Variants in CYP4F8 observed in about 807,000 individuals in gnomAD.
CYP4F8 encodes cytochrome P450 family 4 subfamily F member 8.
CYP4F8 carries 56 observed loss-of-function variants against 55.0 expected under a neutral mutation model. The ratio of observed to expected loss-of-function variants is 1.02; its 90% CI spans 0.82 to 1.27. The LOEUF (loss-of-function observed/expected upper bound fraction) is 1.27, where lower values mean the gene tolerates loss of function less well. Ranked by LOEUF, CYP4F8 falls within the 50% of genes most tolerant of loss-of-function variation. The probability of loss-of-function intolerance (pLI) is 0.00; values close to 1 mark genes in which losing one functional copy is unlikely to be tolerated. For missense variants in CYP4F8, 680 were observed against 682.4 expected (o/e 1.00, Z 0.04); for synonymous variants, 288 against 267.3 (o/e 1.08, Z -0.76).
At chr19:15,625,347 G>GTGTGTATATATATATAT (rs1972248846) in intron 9 of CYP4F8, among the ~76,000 whole-genome samples, 1 of 143,768 alleles carries the variant, frequency 7.0e-6, no homozygotes, top group African/African-American at 2.5e-5. Context: ...TATATATATA[G>GTGTGTATATATATATAT]TGTATATATA....
At chr19:15,617,685 C>A (rs920611043) in intron 2 of CYP4F8, among the ~76,000 whole-genome samples, 1 of 152,100 alleles carries the variant, frequency 6.6e-6, no homozygotes, top group East Asian at 1.9e-4. Flanking sequence ...GGTGCAATTC[C>A]GTCTGGGTCC....
intron 9 of CYP4F8, chr19:15,627,238 C>T (rs1972274302): frequency 1.3e-5 from 2 of 152,156 alleles, no homozygotes; most frequent in Admixed American, 6.5e-5. Context: ...CTTTGGGAGG[C>T]TGAGGCAGGC....
chr19:15,629,928 C>G lies in CYP4F8; in HGVS notation c.*570C>G, dbSNP rs779122071. The G allele has an allele frequency of 6.6e-6, 1 of 151,024 alleles. No individual in the cohort carries two copies. Among genetic ancestry groups the G allele is most frequent in the Non-Finnish European group, 1.5e-5 (1 of 67,998 alleles). The allele number at this position is 151,024 out of a possible 1,614,324, so 9.4% of individuals were successfully genotyped here. A position where few individuals can be genotyped will look rare whatever the true frequency, so the allele number is the denominator to read the frequency against. ...ACATGGTGTCTCTCGTCGCCCAGGC[C>G]GGAGTGCAGTGGCTCACTGCAACCT... On this transcript the variant is annotated 3_prime_UTR_variant, in exon 13 of 13. Transcript: ENST00000612078.
intron 9 of CYP4F8, among the ~76,000 whole-genome samples, chr19:15,625,518 C>T (rs1357734165): frequency 6.6e-6 from 1 of 150,852 alleles, no homozygotes; most frequent in African/African-American, 2.4e-5. Context: ...TTATTTGTTG[C>T]CTTCATTTTG....
rs757984757 is a variant in CYP4F8 at position 15,615,602 on chromosome 19, C to T, written c.-1-14C>T. On this transcript the variant is annotated splice_polypyrimidine_tract_variant and intron_variant, in intron 1 of 12. Transcript: ENST00000612078. ...GGCCTCAGGACCTCACCCTCCATCC[C>T]GTCTGCCCTGCAGGATGTCGCTGCT... 8.8e-5 allele frequency: 142 copies of T among 1,612,322 alleles called. 4 individuals are homozygous for T. The South Asian group carries it at 9.2e-4, about 10-fold the overall frequency.
intron 6 of CYP4F8, 32 bp downstream of exon 6, chr19:15,622,372 GATGGAGTGGGGGT>G: frequency 8.1e-7 from 1 of 1,230,042 alleles, no homozygotes; most frequent in Non-Finnish European, 1.1e-6. Flanking sequence ...GGGAACATGG[GATGGAGTGGGGGT>G]GTGGGTGTGG....
chr19:15,624,404 G>T (rs1444673807), intron 9 of CYP4F8, among the ~76,000 whole-genome samples: 2 of 152,112 alleles, frequency 1.3e-5, no homozygotes, highest in Non-Finnish European at 2.9e-5. Flanking sequence ...GTCCCACAGG[G>T]CTGCTTGGAG....
chr19:15,624,170 G>T (rs1358765366), intron 9 of CYP4F8, 76 bp downstream of exon 9: 3 of 1,565,376 alleles, frequency 1.9e-6, no homozygotes, highest in Non-Finnish European at 1.7e-6. Context: ...CCAGGTGGGG[G>T]AAAAGGGGAG....
At chr19:15,616,197 C>T (rs1368432063) in intron 2 of CYP4F8, among the ~76,000 whole-genome samples, 2 of 150,330 alleles carry the variant, frequency 1.3e-5, no homozygotes, top group Non-Finnish European at 3.0e-5. Context: ...TCTCCTCACT[C>T]ACTCATTCCT....
At chr19:15,626,621 CTATCTATCT>C (rs1972265814) in intron 9 of CYP4F8, among the ~76,000 whole-genome samples, 1 of 145,262 alleles carries the variant, frequency 6.9e-6, no homozygotes, top group Admixed American at 7.1e-5. Flanking sequence ...ATCTATCTAT[CTATCTATCT>C]ATCTATCTAT....
chr19:15,622,967 G>A (rs1972213086), intron 6 of CYP4F8, 138 bp from the exon 7 acceptor site: 1 of 1,037,420 alleles, frequency 9.6e-7, no homozygotes, highest in South Asian at 1.6e-5. Flanking sequence ...CTCACAGAGA[G>A]TGGGAGGCAG....
Position 15,628,305 on chromosome 19 carries a change from C to G in CYP4F8, c.1119C>G (p.Asp373Glu), listed in dbSNP as rs367977820. 5.0e-6 allele frequency: 8 copies of G among 1,613,870 alleles called. No homozygotes were observed. The African/African-American group carries it at 9.3e-5, about 19-fold the overall frequency. ...TAATTGTTGGGTGTTTCCTTAGGGACGACCTGGCCCAGTTGCCCTTCCTGA... is the reference window on the plus strand; with the variant it reads ...TAATTGTTGGGTGTTTCCTTAGGGAGGACCTGGCCCAGTTGCCCTTCCTGA... Reference protein sequence around the residue: ...KDREPKEIEWDDLAQLPFLTM... With the variant: ...KDREPKEIEWEDLAQLPFLTM... The change falls in exon 10 of 13, where the codon GAC becomes GAG. Residue 373 changes from aspartate (D) to glutamate (E), a missense_variant. Coordinates refer to ENST00000612078, the MANE Select transcript of CYP4F8 (RefSeq NM_007253.4).
rs771818284 is a variant in CYP4F8, at chr19:15,622,380, G to A, written c.647+40G>A. The A allele has an allele frequency of 1.9e-5, 30 of 1,594,318 alleles. 1 individual carries two copies. Among genetic ancestry groups the A allele is most frequent in the Admixed American group, 1.2e-4 (7 of 58,734 alleles). On this transcript the variant is annotated intron_variant, in intron 6 of 12. Transcript: ENST00000612078. Reference sequence around the variant, plus strand: ...AGGGCCTGGGAACATGGGATGGAGTGGGGGTGTGGGTGTGGGGAGAGCAAA... The same window carrying A: ...AGGGCCTGGGAACATGGGATGGAGTAGGGGTGTGGGTGTGGGGAGAGCAAA...
At chr19:15,615,471 C>G in intron 1 of CYP4F8, 145 bp from the exon 2 acceptor site, 3 of 872,658 alleles carry the variant, frequency 3.4e-6, no homozygotes, top group Non-Finnish European at 5.0e-6. Flanking sequence ...CACTTCTCCT[C>G]TCCCCTCTCC....
intron 9 of CYP4F8, chr19:15,627,527 T>C (rs1481653880): frequency 6.6e-6 from 1 of 151,730 alleles, no homozygotes. Context: ...ATTCCTTCAA[T>C]TAGAATAAGA....
rs755000025 is a variant in CYP4F8 at position 15,615,772 on chromosome 19, G to A, written c.156G>A (p.Pro52=). ...ACGGCCGCCGCCTCCGGTGTTTCCC[G>A]CAGCCCCGGAAACAGAACTGGTTCT... is the stretch of plus-strand genomic sequence containing the variant. ...YHNGRRLRCF[P]QPRKQNWFLG... is the part of the protein sequence containing the mutation. The change falls in exon 2 of 13, where the codon CCG becomes CCA. Residue 52 remains proline (P), a synonymous_variant. Transcript: ENST00000612078. 19 of 1,613,642 alleles carry A rather than the reference G, an allele frequency of 1.2e-5. No homozygotes were observed. The highest frequency in any genetic ancestry group is 3.3e-5 in the South Asian group (3 of 91,064).
chr19:15,628,976 T>G, intron 12 of CYP4F8, 133 bp downstream of exon 12: 1 of 1,263,454 alleles, frequency 7.9e-7, no homozygotes, highest in South Asian at 1.5e-5. Flanking sequence ...AAAAAGGGTG[T>G]GCTCAGAGCC....
At chr19:15,626,902 G>C (rs1240102614) in intron 9 of CYP4F8, among the ~76,000 whole-genome samples, 1 of 152,102 alleles carries the variant, frequency 6.6e-6, no homozygotes, top group Non-Finnish European at 1.5e-5. Context: ...ACAAGAACCT[G>C]TTTCTCTCTG....
chr19:15,618,015 G>C lies in CYP4F8; in HGVS notation c.214G>C (p.Glu72Gln), dbSNP rs1286943376. Residue 72 changes from glutamate to glutamine, a missense_variant, in exon 3 of 13, where the codon GAG becomes CAG. Transcript: ENST00000612078. ...GHLGLVTPTE[E>Q]GLRVLTQLVA... ...TTGCTTGCAGGTCACTCCCACAGAGGAGGGCTTGAGGGTCCTGACCCAGCT... is the reference window on the plus strand; with the variant it reads ...TTGCTTGCAGGTCACTCCCACAGAGCAGGGCTTGAGGGTCCTGACCCAGCT... 6.2e-7 allele frequency: 1 copy of C among 1,614,034 alleles called. No individual in the cohort carries two copies. Among genetic ancestry groups the C allele is most frequent in the Non-Finnish European group, 8.5e-7 (1 of 1,179,916 alleles).
Sources: gnomAD v4.1 joint callset for allele counts (sites outside exome capture counted in the v4.1 genomes callset) on GRCh38, gnomAD v4.1.1 for gene constraint, MANE v1.5 for transcripts, NCBI Gene and HGNC (gene_info 2026-07-23, HGNC 2026-07-21) for gene names.